VPS39: variants seen among roughly 807,000 people sequenced by gnomAD.
VPS39 encodes VPS39 subunit of HOPS complex.
VPS39 carries 70 observed loss-of-function variants against 121.0 expected under a neutral mutation model. The ratio of observed to expected loss-of-function variants is 0.58; its 90% confidence interval spans 0.48 to 0.71. The LOEUF (loss-of-function observed/expected upper bound fraction) is 0.71, where lower values mean the gene tolerates loss of function less well. VPS39 is among the 30% of genes least tolerant of loss of function. The pLI, the probability that VPS39 is intolerant of heterozygous loss-of-function variation, is 0.00. For missense variants in VPS39, 818 were observed against 1,051.5 expected (o/e 0.78, Z 3.07); for synonymous variants, 378 against 398.1 (o/e 0.95, Z 0.60).
rs2049730478 is a variant in VPS39 at position 42,187,637 on chromosome 15, T to C, written c.441+121A>G. 6.9e-5 allele frequency: 61 copies of C among 888,544 alleles called. 1 individual carries two copies. The South Asian group carries it at 9.1e-4, about 13-fold the overall frequency. The allele number at this position is 888,544 out of a possible 1,614,324, so 55.0% of individuals were successfully genotyped here. ...ACAAGTAGGCATCAACAAGCTCTCA[T>C]GCACTTCATACCAGAGTATTCATTT... On this transcript the variant is annotated intron_variant, in intron 6 of 24. Coordinates refer to ENST00000318006, the MANE Select transcript of VPS39 (RefSeq NM_015289.5).
In VPS39 at chr15:42,199,908, G is replaced by A. The variant is rs767720836; in HGVS notation, c.127C>T (p.Arg43Trp). Residue 43 changes from arginine (R) to tryptophan (W), a missense_variant, in exon 2 of 25, where the codon CGG becomes TGG. Arg to Trp is a moderately radical substitution (Grantham distance 101). Transcript: ENST00000318006. ...AATGTGCACTTACCAACGTCCTTCC[G>A]AATCCTATAGAGAAGAAGATGTCCT... is the stretch of plus-strand genomic sequence containing the variant. ...KQGHLLLYRI[R>W]KDVGCNRFEV... The A allele has an allele frequency of 8.8e-6, 14 of 1,588,360 alleles. No homozygotes were observed. The highest frequency in any genetic ancestry group is 2.8e-5 in the African/African-American group (2 of 72,420).
chr15:42,166,504 G>T, intron 15 of VPS39, 59 bp downstream of exon 15: 1 of 1,578,782 alleles, frequency 6.3e-7, no homozygotes. Flanking sequence ...CAGAAACAGA[G>T]GGAGACCAGG....
At chr15:42,188,900 G>A (rs910882196) in intron 5 of VPS39, among the ~76,000 whole-genome samples, 1 of 152,032 alleles carries the variant, frequency 6.6e-6, no homozygotes, top group African/African-American at 2.4e-5. Flanking sequence ...CGAGAGGCAG[G>A]GGTTGCAGTG....
At chr15:42,163,262 A>G in intron 21 of VPS39, 88 bp downstream of exon 21, 1 of 1,494,244 alleles carries the variant, frequency 6.7e-7, no homozygotes, top group Non-Finnish European at 9.3e-7. Flanking sequence ...GCCCTGTCTT[A>G]TTCTGCCACT....
At position 42,160,471 on chromosome 15, in the gene VPS39, G is replaced by A; in HGVS notation, c.*283C>T. ...TTGTTCAGGTGACTGGTGTGCAAAGGCAAGATGGTGCACATCCTCCTGACC... is the reference window on the plus strand; with the variant it reads ...TTGTTCAGGTGACTGGTGTGCAAAGACAAGATGGTGCACATCCTCCTGACC... On this transcript the variant is annotated 3_prime_UTR_variant, in exon 25 of 25. Transcript: ENST00000318006. 2.3e-6 allele frequency: 1 copy of A among 426,466 alleles called. No homozygotes were observed. The highest frequency in any genetic ancestry group is 3.2e-5 in the South Asian group (1 of 31,084). The allele number at this position is 426,466 out of a possible 1,614,324, so 26.4% of individuals were successfully genotyped here. A position where few individuals can be genotyped will look rare whatever the true frequency, so the allele number is the denominator to read the frequency against.
chr15:42,164,379 T>C lies in VPS39; in HGVS notation c.2005A>G (p.Ile669Val). Reference sequence around the variant, plus strand: ...TCACCATCAAAGGGAAAATCACAGATGAGCCGGCCTGGATCATAGTAGCTG... The same window carrying C: ...TCACCATCAAAGGGAAAATCACAGACGAGCCGGCCTGGATCATAGTAGCTG... ...ISSYYDPGRL[I>V]CDFPFDGLLE... Residue 669 changes from isoleucine (I) to valine (V), a missense_variant, in exon 19 of 25, where the codon ATC (isoleucine) becomes GTC (valine). Transcript: ENST00000318006. The C allele has an allele frequency of 6.2e-7, 1 of 1,614,110 alleles. No homozygotes were observed. The highest frequency in any genetic ancestry group is 8.5e-7 in the Non-Finnish European group (1 of 1,179,974).
chr15:42,199,993 C>CA lies in VPS39; in HGVS notation c.74-33dup, dbSNP rs369346169. The CA allele has an allele frequency of 2.9e-3, 4,344 of 1,502,446 alleles. 101 individuals are homozygous for CA. In the African/African-American group the frequency reaches 0.053, roughly 18 times the overall value. The allele number at this position is 1,502,446 out of a possible 1,614,324, so 93.1% of individuals were successfully genotyped here. On this transcript the variant is annotated intron_variant, in intron 1 of 24. Transcript: ENST00000318006. ...AAACAAAACAAAACAAAAACAAAAACAAAAAAAAACCAGCTTTGAGAAAGG... is the reference window on the plus strand; with the variant it reads ...AAACAAAACAAAACAAAAACAAAAACAAAAAAAAAACCAGCTTTGAGAAAGG...
At chr15:42,206,248 T>C (rs940085098) in intron 1 of VPS39, among the ~76,000 whole-genome samples, 3 of 152,190 alleles carry the variant, frequency 2.0e-5, no homozygotes, top group Non-Finnish European at 4.4e-5. Flanking sequence ...TGGACGAACT[T>C]TCCATCCAAA....
intron 8 of VPS39, 77 bp downstream of exon 8, chr15:42,184,440 C>A: frequency 1.4e-6 from 2 of 1,453,588 alleles, no homozygotes; most frequent in Non-Finnish European, 9.2e-7. Flanking sequence ...GCTAAAGCTA[C>A]GAATGGGACT....
intron 7 of VPS39, among the ~76,000 whole-genome samples, chr15:42,185,853 CA>C (rs2049690457): frequency 6.6e-6 from 1 of 152,088 alleles, no homozygotes; most frequent in Admixed American, 6.5e-5. Context: ...AACTGTACAC[CA>C]AAAAGAATAA....
intron 1 of VPS39, among the ~76,000 whole-genome samples, chr15:42,207,091 T>TACAGAAGAAGTC (rs2050189844): frequency 6.6e-6 from 1 of 152,150 alleles, no homozygotes; most frequent in Non-Finnish European, 1.5e-5. Flanking sequence ...GAAAGAACCC[T>TACAGAAGAAGTC]ACAGAAGAAG....
At chr15:42,204,184 T>C (rs1159728810) in intron 1 of VPS39, among the ~76,000 whole-genome samples, 2 of 152,198 alleles carry the variant, frequency 1.3e-5, no homozygotes, top group Non-Finnish European at 2.9e-5. Flanking sequence ...AGTAGTCACT[T>C]CCCTTCGTTG....
Position 42,160,404 on chromosome 15 carries a change from G to T in VPS39, c.*350C>A. The stretch of plus-strand genomic sequence containing the variant: ...TCATGTACTTAATAGAAAAGCCCTT[G>T]ATGAACAACCCCATGGTTACAAACA... On this transcript the variant is annotated 3_prime_UTR_variant, in exon 25 of 25. Coordinates refer to ENST00000318006, the MANE Select transcript of VPS39 (RefSeq NM_015289.5). 3.5e-6 allele frequency: 1 copy of T among 284,752 alleles called. No individual in the cohort carries two copies. The highest frequency in any genetic ancestry group is 6.9e-5 in the East Asian group (1 of 14,448). The allele number at this position is 284,752 out of a possible 1,614,324, so 17.6% of individuals were successfully genotyped here. A position where few individuals can be genotyped will look rare whatever the true frequency, so the allele number is the denominator to read the frequency against.
chr15:42,183,178 G>C (rs1001846589), intron 8 of VPS39, among the ~76,000 whole-genome samples: 1 of 149,848 alleles, frequency 6.7e-6, no homozygotes, highest in African/African-American at 2.5e-5. Flanking sequence ...TCGGCTCACC[G>C]CAACTTCCCC....
chr15:42,207,990 G>A (rs1403492566), intron 1 of VPS39, 91 bp downstream of exon 1: 4 of 1,398,592 alleles, frequency 2.9e-6, no homozygotes, highest in Non-Finnish European at 3.9e-6. Flanking sequence ...AAGCCCACAC[G>A]GATGGACGCC....
At position 42,161,085 on chromosome 15, in the gene VPS39, T is replaced by C. The variant is rs986739807; in HGVS notation, c.2553-256A>G. On this transcript the variant is annotated intron_variant, in intron 24 of 24. Coordinates refer to ENST00000318006, the MANE Select transcript of VPS39 (RefSeq NM_015289.5). The stretch of plus-strand genomic sequence containing the variant: ...TTTTTATTATGCAAAACACAAGGCA[T>C]ATTAAAGATGGGCAGTGCACCAGCC... The C allele has an allele frequency of 1.1e-5, 5 of 462,458 alleles. No homozygotes were observed. The Admixed American group carries it at 1.4e-4, about 13-fold the overall frequency. The allele number at this position is 462,458 out of a possible 1,614,324, so 28.6% of individuals were successfully genotyped here.
Position 42,173,847 on chromosome 15 carries a change from C to T in VPS39, c.966G>A (p.Met322Ile). The change falls in exon 11 of 25, where the codon ATG becomes ATA. Residue 322 changes from methionine to isoleucine, a missense_variant. Coordinates refer to ENST00000318006, the MANE Select transcript of VPS39 (RefSeq NM_015289.5). ...QFELALQLAE[M>I]KDDSDSEKQQ... ...GCTTTTCACTGTCAGAATCATCTTT[C>T]ATTTCCTAATAACGGAGCAGAATAT... is the stretch of plus-strand genomic sequence containing the variant. The T allele has an allele frequency of 1.9e-6, 3 of 1,614,082 alleles. No homozygotes were observed. In the East Asian group the frequency reaches 6.7e-5, roughly 36 times the overall value.
chr15:42,163,345 C>T lies in VPS39; in HGVS notation c.2175+5G>A. 6.2e-7 allele frequency: 1 copy of T among 1,614,210 alleles called. No individual in the cohort carries two copies. The highest frequency in any genetic ancestry group is 8.5e-7 in the Non-Finnish European group (1 of 1,180,040). ...CGTGCTCCCTGGGTCAGGGTCACTA[C>T]TCACATCTTTGTTGCCATCTTTGTT... On this transcript the variant is annotated splice_donor_5th_base_variant and intron_variant, in intron 21 of 24. Coordinates refer to ENST00000318006, the MANE Select transcript of VPS39 (RefSeq NM_015289.5).
At chr15:42,195,206 C>T (rs1468115247) in intron 2 of VPS39, among the ~76,000 whole-genome samples, 1 of 151,958 alleles carries the variant, frequency 6.6e-6, no homozygotes, top group Admixed American at 6.6e-5. Flanking sequence ...TTTGGGAGGT[C>T]GAGGCGGGCG....
Sources: allele counts gnomAD v4.1 joint callset (sites outside exome capture counted in the v4.1 genomes callset), GRCh38; gene constraint gnomAD v4.1.1; transcripts MANE v1.5; gene names NCBI Gene and HGNC (gene_info 2026-07-23, HGNC 2026-07-21).